NIFK: variants seen among roughly 807,000 people sequenced by gnomAD.
NIFK encodes nucleolar protein interacting with the FHA domain of MKI67.
Under a neutral mutation model 31.7 loss-of-function variants are expected in NIFK, and 16 were observed. The observed-to-expected ratio is 0.50, with a 90% CI of 0.34 to 0.77. The LOEUF (loss-of-function observed/expected upper bound fraction) is 0.77. Among genes scored for constraint, NIFK ranks in the 30% least tolerant of loss-of-function variants. The pLI is 0.01. For synonymous variants in NIFK, 126 were observed against 123.0 expected (o/e 1.02, Z -0.16); for missense variants, 341 against 350.4 (o/e 0.97, Z 0.21).
chr2:121,735,259 A>G lies in NIFK; in HGVS notation c.243+354T>C, dbSNP rs547197645. ...GGTGTAGAGCCTGACCCCAAACCTCAGCAGTCCAACTCCAGAGTCCTCACC... is the reference window on the plus strand; with the variant it reads ...GGTGTAGAGCCTGACCCCAAACCTCGGCAGTCCAACTCCAGAGTCCTCACC... On this transcript the variant is annotated intron_variant, in intron 2 of 6. Transcript: ENST00000285814. 4.6e-5 allele frequency among the ~76,000 whole-genome samples: 7 copies of G among 152,210 alleles called. No homozygotes were observed. The South Asian group carries it at 1.5e-3, about 32-fold the overall frequency.
intron 4 of NIFK, 183 bp from the exon 5 acceptor site, chr2:121,728,719 G>T (rs1027547133): frequency 1.6e-5 from 8 of 509,102 alleles, no homozygotes; most frequent in Non-Finnish European, 2.7e-5. Flanking sequence ...AAACCCAGTA[G>T]AGGAATTGAC....
At chr2:121,728,212 A>G (rs1252805135) in intron 6 of NIFK, 76 bp downstream of exon 6, 15 of 915,936 alleles carry the variant, frequency 1.6e-5, no homozygotes, top group Non-Finnish European at 1.7e-6. Context: ...TTAAAATGAG[A>G]GTAGCAGAAA....
intron 2 of NIFK, among the ~76,000 whole-genome samples, chr2:121,733,078 T>A (rs935420234): frequency 1.3e-5 from 2 of 149,678 alleles, no homozygotes; most frequent in Non-Finnish European, 3.0e-5. Context: ...TAAGACTCCA[T>A]CTCAAAAAAG....
rs779030291 is a variant in NIFK at position 121,735,726 on chromosome 2, G to C, written c.130C>G (p.Pro44Ala). The change falls in exon 2 of 7, where the codon CCT becomes GCT. Residue 44 changes from proline (P) to alanine (A), a missense_variant. Pro to Ala is a conservative substitution (Grantham distance 27). Coordinates refer to ENST00000285814, the MANE Select transcript of NIFK (RefSeq NM_032390.5). ...AGGTGGCGCACATAGACTACTCCAG[G>C]AGTAAGTTGTTCTTGTTTTTTTCGC... ...TQRKKQEQLT[P>A]GVVYVRHLPN... The C allele has an allele frequency of 7.4e-6, 12 of 1,613,242 alleles. No homozygotes were observed. In the East Asian group the frequency reaches 8.9e-5, roughly 12 times the overall value.
At chr2:121,730,244 CAAAA>C (rs1374562382) in intron 4 of NIFK, 1 of 158,474 alleles carries the variant, frequency 6.3e-6, no homozygotes, top group Non-Finnish European at 1.4e-5. Context: ...CAAAACAAAA[CAAAA>C]AAGGATGGGT....
chr2:121,728,683 T>C (rs189726400), intron 4 of NIFK, 147 bp from the exon 5 acceptor site: 1 of 553,278 alleles, frequency 1.8e-6, no homozygotes, highest in East Asian at 3.1e-5. Flanking sequence ...CAGTGAATTA[T>C]CTCAAGTAAA....
chr2:121,727,814 T>C lies in NIFK; in HGVS notation c.792A>G (p.Lys264=). ...CTTCTTTTACACAGGATATGGGCTGTTTGAAAACTATTTCATCATCTTTAT... is the reference window on the plus strand; with the variant it reads ...CTTCTTTTACACAGGATATGGGCTGCTTGAAAACTATTTCATCATCTTTAT... ...DDDKDDEIVF[K]QPISCVKEEI... The change falls in exon 7 of 7, where the codon AAA becomes AAG. Residue 264 remains lysine (K), a synonymous_variant. Transcript: ENST00000285814. 6.2e-7 allele frequency: 1 copy of C among 1,612,542 alleles called. No individual in the cohort carries two copies. The highest frequency in any genetic ancestry group is 8.5e-7 in the Non-Finnish European group (1 of 1,179,700).
At chr2:121,735,504 T>A in intron 2 of NIFK, 109 bp downstream of exon 2, 2 of 1,204,374 alleles carry the variant, frequency 1.7e-6, no homozygotes, top group Non-Finnish European at 2.4e-6. Flanking sequence ...ACTCTCCTTT[T>A]TGGAATGAAA....
rs1204235301 is a variant in NIFK, at chr2:121,730,597, A to G, written c.564+296T>C. 7 of 319,902 alleles carry G rather than the reference A, an allele frequency of 2.2e-5. No homozygotes were observed. In the East Asian group the frequency reaches 4.4e-4, roughly 20 times the overall value. 19.8% of individuals were successfully genotyped at this position (319,902 alleles called of 1,614,324 possible). ...CGTGGCTCATGCCTATTATTCCAACACTTTGGGACGCTGAGGTGGGTGAAT... is the reference window on the plus strand; with the variant it reads ...CGTGGCTCATGCCTATTATTCCAACGCTTTGGGACGCTGAGGTGGGTGAAT... On this transcript the variant is annotated intron_variant, in intron 4 of 6. Transcript: ENST00000285814.
intron 4 of NIFK, among the ~76,000 whole-genome samples, chr2:121,729,367 C>CAAAAA (rs966976474): frequency 4.8e-5 from 3 of 62,108 alleles, no homozygotes; most frequent in African/African-American, 4.9e-5. Flanking sequence ...GACTCCATCT[C>CAAAAA]AAAAAAAAAA....
intron 2 of NIFK, 21 bp from the exon 3 acceptor site, chr2:121,732,225 C>A: frequency 2.1e-6 from 3 of 1,412,102 alleles, no homozygotes; most frequent in Non-Finnish European, 2.0e-6. Context: ...GAAACCGCCA[C>A]AAAAAGTAGA....
Position 121,727,745 on chromosome 2 carries a change from T to C in NIFK, c.861A>G (p.Arg287=). ...TQTPTHSRKK[R]RRSSNQ is the part of the protein sequence containing the mutation. ...AAAATCACTGATTGCTGCTTCTTCG[T>C]CTTTTTTTCCGTGAATGTGTAGGTG... The change falls in exon 7 of 7, where the codon AGA becomes AGG. Residue 287 remains arginine, a synonymous_variant. Coordinates refer to ENST00000285814, the MANE Select transcript of NIFK (RefSeq NM_032390.5). The C allele has an allele frequency of 2.5e-6, 4 of 1,600,318 alleles. No individual in the cohort carries two copies. Among genetic ancestry groups the C allele is most frequent in the Non-Finnish European group, 3.4e-6 (4 of 1,176,972 alleles).
At position 121,728,564 on chromosome 2, in the gene NIFK, C is replaced by T. The variant is rs184080486; in HGVS notation, c.565-28G>A. 1.1e-4 allele frequency: 140 copies of T among 1,301,346 alleles called. No individual in the cohort carries two copies. In the African/African-American group the frequency reaches 1.8e-3, roughly 17 times the overall value. The allele number at this position is 1,301,346 out of a possible 1,614,324, so 80.6% of individuals were successfully genotyped here. A position where few individuals can be genotyped will look rare whatever the true frequency, so the allele number is the denominator to read the frequency against. On this transcript the variant is annotated intron_variant, in intron 4 of 6. Transcript: ENST00000285814. The stretch of plus-strand genomic sequence containing the variant: ...TTAATAAAGAAGTTAGAAATTGACA[C>T]TCATATCTTTTCTTTCTAAACTTAG...
intron 3 of NIFK, 175 bp from the exon 4 acceptor site, chr2:121,731,279 G>C (rs760886440): frequency 2.0e-5 from 11 of 559,358 alleles, no homozygotes; most frequent in Non-Finnish European, 3.5e-5. Flanking sequence ...GGGCAGCCTT[G>C]TCAGCTGTGA....
Position 121,728,505 on chromosome 2 carries a change from G to C in NIFK, c.596C>G (p.Thr199Ser). ...GCCTTTTGTAGACGTCTGACGATTA[G>C]TTTTTGAAATACTTTCCGTTTTCTG... ...ILQKTESISKTNRQTSTKGQV... is the reference protein window; with the variant it reads ...ILQKTESISKSNRQTSTKGQV... The change falls in exon 5 of 7, where the codon ACT becomes AGT. Residue 199 changes from threonine (T) to serine (S), a missense_variant. Transcript: ENST00000285814. 1 of 1,585,402 alleles carries C rather than the reference G, an allele frequency of 6.3e-7. No individual in the cohort carries two copies. Among genetic ancestry groups the C allele is most frequent in the East Asian group, 2.2e-5 (1 of 44,600 alleles).
Position 121,727,297 on chromosome 2 carries a change from T to A in NIFK, c.*427A>T. ...AACTTCCAGCTTCAACCATCTGATG[T>A]TGAAATCTAAAGCACCTCCATGAGT... On this transcript the variant is annotated 3_prime_UTR_variant, in exon 7 of 7. Transcript: ENST00000285814. The A allele has an allele frequency of 2.5e-6, 1 of 399,264 alleles. No individual in the cohort carries two copies. Among genetic ancestry groups the A allele is most frequent in the South Asian group, 2.0e-5 (1 of 50,924 alleles). The allele number at this position is 399,264 out of a possible 1,614,324, so 24.7% of individuals were successfully genotyped here.
Position 121,732,152 on chromosome 2 carries a change from G to A in NIFK, c.296C>T (p.Ala99Val). Residue 99 changes from alanine (A) to valine (V), a missense_variant, in exon 3 of 7, where the codon GCC becomes GTC. Ala to Val is a moderately conservative substitution (Grantham distance 64). Transcript: ENST00000285814. ...AFVEFESEDV[A>V]KIVAETMNNY... Reference sequence around the variant, plus strand: ...GTTCATTGTTTCAGCAACTATTTTGGCAACATCCTCAGACTCAAACTCCAC... The same window carrying A: ...GTTCATTGTTTCAGCAACTATTTTGACAACATCCTCAGACTCAAACTCCAC... 1 of 1,613,538 alleles carries A rather than the reference G, an allele frequency of 6.2e-7. No homozygotes were observed. The highest frequency in any genetic ancestry group is 8.5e-7 in the Non-Finnish European group (1 of 1,179,566).
chr2:121,730,965 T>C lies in NIFK; in HGVS notation c.492A>G (p.Arg164=). The part of the protein sequence containing the change: ...TLTQKLRMEE[R]FKKKERLLRK... The stretch of plus-strand genomic sequence containing the variant: ...TGAGTAATCTTTCTTTCTTTTTAAA[T>C]CGCTCCTCCATCCGTAGCTTTTGTG... Residue 164 remains arginine (R), a synonymous_variant, in exon 4 of 7, where the codon CGA becomes CGG. Coordinates refer to ENST00000285814, the MANE Select transcript of NIFK (RefSeq NM_032390.5). 1.2e-6 allele frequency: 2 copies of C among 1,613,396 alleles called. No homozygotes were observed. The highest frequency in any genetic ancestry group is 1.7e-6 in the Non-Finnish European group (2 of 1,179,678).
At position 121,731,025 on chromosome 2, in the gene NIFK, T is replaced by C. The variant is rs1380576242; in HGVS notation, c.432A>G (p.Pro144=). ...WNIPFKQPSY[P]SVKRYNRNRT... is the part of the protein sequence containing the mutation. ...GATTCCGATTATACCGTTTCACTGA[T>C]GGATATGATGGCTGCTTAAATGGAA... Residue 144 remains proline, a synonymous_variant, in exon 4 of 7, where the codon CCA becomes CCG. Coordinates refer to ENST00000285814, the MANE Select transcript of NIFK (RefSeq NM_032390.5). The C allele has an allele frequency of 4.3e-6, 7 of 1,612,766 alleles. No homozygotes were observed. Among genetic ancestry groups the C allele is most frequent in the South Asian group, 3.3e-5 (3 of 91,048 alleles).
Sources: allele counts gnomAD v4.1 joint callset (sites outside exome capture counted in the v4.1 genomes callset), GRCh38; gene constraint gnomAD v4.1.1; transcripts MANE v1.5; gene names NCBI Gene and HGNC (gene_info 2026-07-23, HGNC 2026-07-21).